Variants in NBPF12 observed in about 807,000 individuals in gnomAD.
NBPF12 encodes the protein NBPF member 12.
In NBPF12, 115 loss-of-function variants were observed where a neutral mutation model predicts 146.4. The ratio of observed to expected loss-of-function variants is 0.79; its 90% CI spans 0.68 to 0.92. The LOEUF (loss-of-function observed/expected upper bound fraction) is 0.92, where lower values mean the gene tolerates loss of function less well. Ranked by LOEUF, NBPF12 falls within the 40% of genes least tolerant of loss-of-function variation. The pLI is 0.00. For missense variants in NBPF12, 1,205 were observed against 1,326.8 expected (o/e 0.91, Z 1.43); for synonymous variants, 385 against 508.9 (o/e 0.76, Z 3.28).
chr1:146,971,959 G>T (rs1266481368), intron 13 of NBPF12, among the ~76,000 whole-genome samples: 1 of 149,438 alleles, frequency 6.7e-6, no homozygotes, highest in Non-Finnish European at 1.5e-5. Context: ...GCGGTGTTGG[G>T]TGCCTGTAGT....
exon 20 of NBPF12, chr1:146,982,942 C>A: frequency 6.2e-7 from 1 of 1,607,226 alleles, no homozygotes; most frequent in East Asian, 2.2e-5. Context: ...CTGCAGGAGT[C>A]TGAAGAGGAG....
chr1:146,968,676 C>T (rs1432924671), intron 10 of NBPF12, 126 bp downstream of exon 13: 260 of 818,686 alleles, frequency 3.2e-4, no homozygotes, highest in Middle Eastern at 1.1e-3. Context: ...ATGGCAGGCT[C>T]GCTACACACA....
intron 31 of NBPF12, among the ~76,000 whole-genome samples, chr1:146,992,462 C>CTCTCTCTCTCTGTGTG (rs1450490306): frequency 1.1e-4 from 7 of 66,254 alleles, no homozygotes; most frequent in African/African-American, 5.0e-4. Context: ...CTCTCTCTCT[C>CTCTCTCTCTCTGTGTG]TGTGTGTGTG....
chr1:146,939,906 C>G (rs1654718149), intron 1 of NBPF12, among the ~76,000 whole-genome samples: 1 of 151,694 alleles, frequency 6.6e-6, no homozygotes, highest in African/African-American at 2.4e-5. Flanking sequence ...TCGCTTGAAC[C>G]TGGGAGGCGG....
upstream of NBPF12, among the ~76,000 whole-genome samples, chr1:146,944,442 G>T (rs1426608275): frequency 6.8e-6 from 1 of 146,906 alleles, no homozygotes; most frequent in Non-Finnish European, 1.5e-5. Context: ...ACAAATGGAC[G>T]ATGTCAGACC....
At chr1:146,974,112 G>T (rs1471773998) in intron 14 of NBPF12, among the ~76,000 whole-genome samples, 1 of 150,244 alleles carries the variant, frequency 6.7e-6, no homozygotes, top group Non-Finnish European at 1.5e-5. Flanking sequence ...TTGGCACAGA[G>T]TAAACACTAT....
chr1:146,940,510 C>T (rs1299696865), intron 1 of NBPF12, among the ~76,000 whole-genome samples: 57 of 150,784 alleles, frequency 3.8e-4, no homozygotes, highest in African/African-American at 1.3e-3. Flanking sequence ...GAGCAGTGAT[C>T]GTGCCAGTGC....
chr1:146,969,019 CT>C (rs1374867134), intron 10 of NBPF12, among the ~76,000 whole-genome samples: 1 of 151,544 alleles, frequency 6.6e-6, no homozygotes, highest in South Asian at 2.1e-4. Flanking sequence ...CTGTACATGG[CT>C]TTGTGTCTAG....
At chr1:146,972,155 G>T (rs1656682582) in intron 13 of NBPF12, among the ~76,000 whole-genome samples, 1 of 150,566 alleles carries the variant, frequency 6.6e-6, no homozygotes, top group Non-Finnish European at 1.5e-5. Flanking sequence ...AGCACTTTGG[G>T]AGGCGGAGGT....
At chr1:146,956,386 G>T (rs1338220206) in intron 2 of NBPF12, among the ~76,000 whole-genome samples, 10 of 152,016 alleles carry the variant, frequency 6.6e-5, no homozygotes, top group East Asian at 5.8e-4. Context: ...AAGAAACTTT[G>T]GGGCATAGGG....
intron 8 of NBPF12, among the ~76,000 whole-genome samples, chr1:146,966,051 G>A (rs1363259212): frequency 2.6e-5 from 4 of 151,780 alleles, no homozygotes; most frequent in Non-Finnish European, 4.4e-5. Context: ...AGGTGGCAGT[G>A]AGCTGAGATT....
At chr1:146,994,116 G>GTCTCTC (rs1658362250) in intron 33 of NBPF12, among the ~76,000 whole-genome samples, 1 of 117,768 alleles carries the variant, frequency 8.5e-6, no homozygotes, top group East Asian at 2.5e-4. Context: ...CTCTGTCTCT[G>GTCTCTC]TCTCTGTCTC....
chr1:146,992,477 TGTGTGTGTG>T lies in NBPF12; in HGVS notation c.3849-234_3849-226del, dbSNP rs1658253335. On this transcript the variant is annotated intron_variant, in intron 31 of 33. Coordinates refer to ENST00000617844, the Ensembl canonical transcript of NBPF12. ...CTCTCTCTCTCTGTGTGTGTGTGTG[TGTGTGTGTG>T]TGTGTGTGTGTGTGTGTGTGTGTGT... is the stretch of plus-strand genomic sequence containing the variant. Among the ~76,000 whole-genome samples the T allele has an allele frequency of 3.8e-5, 5 of 132,608 alleles. 1 individual carries two copies. Among genetic ancestry groups the T allele is most frequent in the African/African-American group, 1.4e-4 (5 of 34,752 alleles). 87.0% of individuals were successfully genotyped at this position (132,608 alleles called of 152,430 possible).
At chr1:146,950,879 A>T (rs1345634449) in intron 1 of NBPF12, among the ~76,000 whole-genome samples, 1 of 152,126 alleles carries the variant, frequency 6.6e-6, no homozygotes. Flanking sequence ...ACATTCTTGT[A>T]TATATCATTT....
rs1553890093 is a variant in NBPF12 at position 146,994,502 on chromosome 1, A to G, written c.4301A>G (p.Asp1434Gly). The G allele has an allele frequency of 2.5e-6, 4 of 1,609,310 alleles. No individual in the cohort carries two copies. The South Asian group carries it at 3.3e-5, about 13-fold the overall frequency. ...CACATCACCTTTGCCCTTGACATGG[A>G]CAATAGCTTTTTTACTTTGACGGTG... The change falls in exon 34 of 34, where the codon GAC (aspartate) becomes GGC (glycine). Residue 1434 changes from aspartate (D) to glycine (G), a missense_variant. Physicochemically the swap from Asp to Gly is moderately conservative, Grantham distance 94 (BLOSUM62 -1). Coordinates refer to ENST00000617844, the Ensembl canonical transcript of NBPF12.
chr1:146,939,764 A>G (rs1431638077), intron 1 of NBPF12, among the ~76,000 whole-genome samples: 2 of 151,912 alleles, frequency 1.3e-5, no homozygotes, highest in Admixed American at 6.6e-5. Context: ...CGGGCGGATC[A>G]TGAGGTCAGG....
intron 1 of NBPF12, among the ~76,000 whole-genome samples, chr1:146,940,849 A>G (rs1654767249): frequency 6.6e-6 from 1 of 151,574 alleles, no homozygotes; most frequent in Admixed American, 6.6e-5. Flanking sequence ...TTCAACTTCC[A>G]TTTTCCTGGT....
chr1:146,966,769 C>T, intron 9 of NBPF12, 96 bp downstream of exon 12: 1 of 793,544 alleles, frequency 1.3e-6, no homozygotes, highest in Non-Finnish European at 2.3e-6. Flanking sequence ...ATAATGTCAT[C>T]CTCCCCATAC....
chr1:146,962,959 A>T lies in NBPF12; in HGVS notation c.279-136A>T, dbSNP rs1207585175. 2,663 of 653,798 alleles carry T rather than the reference A, an allele frequency of 4.1e-3. 61 individuals carry two copies. The African/African-American group carries it at 0.044, about 11-fold the overall frequency. 40.5% of individuals were successfully genotyped at this position (653,798 alleles called of 1,614,324 possible). A position where few individuals can be genotyped will look rare whatever the true frequency, so the allele number is the denominator to read the frequency against. On this transcript the variant is annotated intron_variant, in intron 5 of 33. Coordinates refer to ENST00000617844, the Ensembl canonical transcript of NBPF12. ...TTTCTGTTCTTTCTCTTGGCCACAG[A>T]CATTCCTTTCAACATGTGCTGACCT...
Sources: allele counts gnomAD v4.1 joint callset (sites outside exome capture counted in the v4.1 genomes callset), GRCh38; gene constraint gnomAD v4.1.1; transcripts MANE v1.5; gene names NCBI Gene and HGNC (gene_info 2026-07-23, HGNC 2026-07-21).